GRIK2: variants seen among roughly 807,000 people sequenced by gnomAD.
The protein encoded by GRIK2 is glutamate receptor ionotropic, kainate 2.
Under a neutral mutation model 100.3 loss-of-function variants are expected in GRIK2, and 32 were observed. That is an observed-to-expected ratio of 0.32 (90% CI 0.24 to 0.43). GRIK2 has a LOEUF of 0.43. GRIK2 is among the 20% of genes least tolerant of loss of function. The pLI, the probability that GRIK2 is intolerant of heterozygous loss-of-function variation, is 1.00. For missense variants in GRIK2, 843 were observed against 1,114.9 expected (o/e 0.76, Z 3.47); for synonymous variants, 417 against 389.4 (o/e 1.07, Z -0.83).
In GRIK2 at chr6:101,968,718, T is replaced by A. The variant is rs117204701; in HGVS notation, c.2085+40086T>A. Among the ~76,000 whole-genome samples the A allele has an allele frequency of 3.0e-4, 46 of 151,856 alleles. No individual in the cohort carries two copies. The East Asian group carries it at 8.6e-3, about 28-fold the overall frequency. ...ACTTCTTGAACTTGGTAAACATAAA[T>A]CACACTTTCATCCACCCATCAAAAA... is the stretch of plus-strand genomic sequence containing the variant. On this transcript the variant is annotated intron_variant, in intron 14 of 16. Coordinates refer to ENST00000369134, the MANE Select transcript of GRIK2 (RefSeq NM_021956.5).
chr6:101,682,608 T>TA lies in GRIK2; in HGVS notation c.777+4dup. On this transcript the variant is annotated splice_region_variant and intron_variant, in intron 6 of 16. Transcript: ENST00000369134. ...TATCATTATATCTTTACCACTCTGGTAAGTACTTCATTAAAACAAAATGTT... is the reference window on the plus strand; with the variant it reads ...TATCATTATATCTTTACCACTCTGGTAAAGTACTTCATTAAAACAAAATGTT... The TA allele has an allele frequency of 8.3e-7, 1 of 1,202,392 alleles. No individual in the cohort carries two copies. Among genetic ancestry groups the TA allele is most frequent in the Non-Finnish European group, 1.2e-6 (1 of 821,880 alleles). 74.5% of individuals were successfully genotyped at this position (1,202,392 alleles called of 1,614,324 possible).
At position 101,994,021 on chromosome 6, in the gene GRIK2, TATATACATTATATACAGATATATACATTA is replaced by T. The variant is rs531774389; in HGVS notation, c.2086-41303_2086-41275del. ...ACATATATACAAATGTGTATATAAA[TATATACATTATATACAGATATATACATTA>T]ATATACATTATATACAAATACATAC... On this transcript the variant is annotated intron_variant, in intron 14 of 16. Transcript: ENST00000369134. Among the ~76,000 whole-genome samples the T allele has an allele frequency of 2.7e-5, 4 of 147,418 alleles. No homozygotes were observed. In the East Asian group the frequency reaches 5.9e-4, roughly 22 times the overall value.
intron 14 of GRIK2, among the ~76,000 whole-genome samples, chr6:102,009,692 T>G (rs1454921317): frequency 6.6e-6 from 1 of 152,158 alleles, no homozygotes; most frequent in African/African-American, 2.4e-5. Flanking sequence ...TGCCTATACC[T>G]GTTTCCCCAT....
chr6:101,960,221 A>G, intron 14 of GRIK2, among the ~76,000 whole-genome samples: 1 of 151,508 alleles, frequency 6.6e-6, no homozygotes, highest in South Asian at 2.1e-4. Context: ...ATCTGTAATA[A>G]TTTTTAATTA....
intron 15 of GRIK2, among the ~76,000 whole-genome samples, chr6:102,043,573 G>A (rs867980466): frequency 1.3e-4 from 19 of 151,662 alleles, no homozygotes; most frequent in African/African-American, 3.4e-4. Flanking sequence ...CTAGGTTGTC[G>A]CAAATGACAG....
chr6:101,955,910 TTTA>T (rs1791906750), intron 14 of GRIK2, among the ~76,000 whole-genome samples: 1 of 152,068 alleles, frequency 6.6e-6, no homozygotes, highest in Non-Finnish European at 1.5e-5. Flanking sequence ...CATTCTAGTT[TTTA>T]TTATTTTCTT....
Position 101,998,812 on chromosome 6 carries a change from C to CTTTTTTTTTTT in GRIK2, c.2086-36520_2086-36510dup, listed in dbSNP as rs755522043. Reference sequence around the variant, plus strand: ...TGTGTGAGTTTTTCTTTTTTCTTTTCTTTTTTTTTTTTTTTTTTTGAGTTG... The same window carrying CTTTTTTTTTTT: ...TGTGTGAGTTTTTCTTTTTTCTTTTCTTTTTTTTTTTTTTTTTTTTTTTTTTTTTTGAGTTG... On this transcript the variant is annotated intron_variant, in intron 14 of 16. Coordinates refer to ENST00000369134, the MANE Select transcript of GRIK2 (RefSeq NM_021956.5). Among the ~76,000 whole-genome samples, 32 of 110,042 alleles carry CTTTTTTTTTTT rather than the reference C, an allele frequency of 2.9e-4. 1 individual carries two copies. The highest frequency in any genetic ancestry group is 4.3e-4 in the African/African-American group (13 of 30,188). The allele number at this position is 110,042 out of a possible 152,430, so 72.2% of individuals were successfully genotyped here.
At chr6:102,004,073 TA>T (rs774943934) in intron 14 of GRIK2, among the ~76,000 whole-genome samples, 53 of 151,608 alleles carry the variant, frequency 3.5e-4, no homozygotes, top group Non-Finnish European at 6.5e-4. Context: ...TCAACTACCA[TA>T]TTTTATCATC....
chr6:101,746,860 T>C (rs1776449852), intron 7 of GRIK2, among the ~76,000 whole-genome samples: 2 of 152,178 alleles, frequency 1.3e-5, no homozygotes, highest in South Asian at 2.1e-4. Flanking sequence ...TGTTGATATA[T>C]AGTTATGGGA....
At chr6:101,983,521 A>G (rs1449457301) in intron 14 of GRIK2, among the ~76,000 whole-genome samples, 1 of 151,824 alleles carries the variant, frequency 6.6e-6, no homozygotes, top group Non-Finnish European at 1.5e-5. Flanking sequence ...TTACAAACAC[A>G]CTAATACATG....
intron 15 of GRIK2, among the ~76,000 whole-genome samples, chr6:102,038,437 C>G (rs1238348237): frequency 6.6e-6 from 1 of 151,084 alleles, no homozygotes; most frequent in Admixed American, 6.6e-5. Flanking sequence ...TGCTATCACT[C>G]TCTCCTGGTT....
chr6:101,537,048 G>A (rs1441653169), intron 2 of GRIK2, among the ~76,000 whole-genome samples: 1 of 151,628 alleles, frequency 6.6e-6, no homozygotes, highest in Non-Finnish European at 1.5e-5. Context: ...TTAGTTTTCT[G>A]GAGTAATGTT....
chr6:101,449,461 G>A (rs1377358792), intron 2 of GRIK2, among the ~76,000 whole-genome samples: 1 of 151,638 alleles, frequency 6.6e-6, no homozygotes, highest in African/African-American at 2.4e-5. Flanking sequence ...AGATTAAGAA[G>A]GGAAAAACAT....
intron 10 of GRIK2, among the ~76,000 whole-genome samples, chr6:101,820,388 C>G (rs1247725725): frequency 3.9e-5 from 6 of 152,058 alleles, no homozygotes; most frequent in Admixed American, 3.9e-4. Flanking sequence ...CTGATCTAGC[C>G]AAATTCCTCA....
At chr6:101,760,475 AT>A (rs1777467829) in intron 7 of GRIK2, among the ~76,000 whole-genome samples, 1 of 29,702 alleles carries the variant, frequency 3.4e-5, no homozygotes, top group African/African-American at 1.8e-4. Context: ...TTAATTATAT[AT>A]TTATTATATA....
intron 14 of GRIK2, among the ~76,000 whole-genome samples, chr6:101,951,192 A>G (rs540601485): frequency 2.8e-4 from 43 of 152,358 alleles, no homozygotes; most frequent in East Asian, 7.7e-4. Flanking sequence ...ATGTATTTGC[A>G]TATATGTGAA....
At chr6:101,602,026 G>A (rs1175155953) in intron 2 of GRIK2, among the ~76,000 whole-genome samples, 1 of 151,530 alleles carries the variant, frequency 6.6e-6, no homozygotes, top group African/African-American at 2.4e-5. Flanking sequence ...TTGTTTATTT[G>A]AGATCTTACT....
chr6:101,890,087 GGGATTA>G, intron 12 of GRIK2: 3 of 417,694 alleles, frequency 7.2e-6, no homozygotes, highest in South Asian at 6.1e-5. Flanking sequence ...AAGTGTTATA[GGGATTA>G]CTGTTTTCTT....
intron 12 of GRIK2, among the ~76,000 whole-genome samples, chr6:101,906,364 A>ATG (rs1167348086): frequency 6.8e-5 from 1 of 14,734 alleles, no homozygotes; most frequent in African/African-American, 1.2e-4. Flanking sequence ...ATAAAACAAG[A>ATG]TCTGTGTGTG....
Sources: allele counts gnomAD v4.1 joint callset (sites outside exome capture counted in the v4.1 genomes callset), GRCh38; gene constraint gnomAD v4.1.1; transcripts MANE v1.5; gene names NCBI Gene and HGNC (gene_info 2026-07-23, HGNC 2026-07-21).